PTGER3: variants seen among roughly 807,000 people sequenced by gnomAD.
PTGER3 encodes prostaglandin E2 receptor EP3 subtype.
In PTGER3, 22 loss-of-function variants were observed where a neutral mutation model predicts 34.7. The observed-to-expected ratio is 0.63, with a 90% CI of 0.45 to 0.91. PTGER3 has a LOEUF of 0.91. PTGER3 is among the 40% of genes least tolerant of loss of function. The pLI, the probability that PTGER3 is intolerant of heterozygous loss-of-function variation, is 0.00. For synonymous variants in PTGER3, 241 were observed against 230.1 expected (o/e 1.05, Z -0.43); for missense variants, 468 against 519.4 (o/e 0.90, Z 0.96).
rs953675387 is a variant in PTGER3, at chr1:70,973,322, G to T, written c.1169+975C>A. ...GAAGGATATAGGATTATAAATGTGA[G>T]TTGAGTAAAAATTGTATTGGCCTCA... is the stretch of plus-strand genomic sequence containing the variant. On this transcript the variant is annotated intron_variant, in intron 3 of 3. Transcript: ENST00000306666. Among the ~76,000 whole-genome samples, 9 of 151,800 alleles carry T rather than the reference G, an allele frequency of 5.9e-5. 1 individual carries two copies. Among genetic ancestry groups the T allele is most frequent in the African/African-American group, 1.7e-4 (7 of 41,364 alleles).
rs1046093710 is a variant in PTGER3 at position 70,952,995 on chromosome 1, G to A, written c.1169C>T (p.Thr390Ile). Residue 390 changes from threonine (T) to isoleucine (I), a missense_variant, in exon 4 of 4, where the codon ACC becomes ATC. Thr to Ile is a moderately conservative substitution (Grantham distance 89). Transcript: ENST00000356595. ...TTCTTCTCTGTTCAGCACACGATAG[G>A]TTTGTACTTGCCCACAATGTGCAGT... 1 of 1,612,400 alleles carries A rather than the reference G, an allele frequency of 6.2e-7. No homozygotes were observed. The highest frequency in any genetic ancestry group is 1.3e-5 in the African/African-American group (1 of 74,812).
At chr1:71,024,252 A>C (rs1658682167) in intron 1 of PTGER3, among the ~76,000 whole-genome samples, 3 of 152,114 alleles carry the variant, frequency 2.0e-5, no homozygotes, top group Admixed American at 2.0e-4. Context: ...TAAAACTCTC[A>C]TCCTCTTTTT....
intron 4 of PTGER3, among the ~76,000 whole-genome samples, chr1:70,875,858 A>G (rs2100565960): frequency 6.6e-6 from 1 of 152,236 alleles, no homozygotes; most frequent in South Asian, 2.1e-4. Context: ...ATTTAGGTTG[A>G]TTCCATGTCT....
At position 70,942,504 on chromosome 1, in the gene PTGER3, T is replaced by C. The variant is rs190648286; in HGVS notation, c.*23+11259A>G. Among the ~76,000 whole-genome samples the C allele has an allele frequency of 2.0e-5, 3 of 152,282 alleles. No homozygotes were observed. The East Asian group carries it at 5.8e-4, about 29-fold the overall frequency. On this transcript the variant is annotated intron_variant, in intron 4 of 4. Coordinates refer to the PTGER3 transcript ENST00000370931. ...CATTACCAGACTATTTAAAATTCCA[T>C]AGATAAGCAATGCTCACTCTTGCAT...
intron 4 of PTGER3, among the ~76,000 whole-genome samples, chr1:70,891,967 T>C (rs548943918): frequency 1.3e-5 from 2 of 152,342 alleles, no homozygotes; most frequent in African/African-American, 4.8e-5. Context: ...AAATCTTTAC[T>C]ATGAAATCTC....
chr1:70,969,623 A>G (rs1652883172), downstream of PTGER3, among the ~76,000 whole-genome samples: 1 of 152,176 alleles, frequency 6.6e-6, no homozygotes. Context: ...AAAAATACTT[A>G]AAGTATTCAA....
At chr1:70,960,631 G>A (rs1651835427) in intron 2 of PTGER3, among the ~76,000 whole-genome samples, 1 of 152,024 alleles carries the variant, frequency 6.6e-6, no homozygotes, top group Non-Finnish European at 1.5e-5. Flanking sequence ...TAAGATGAGA[G>A]CAAAGAAGCA....
At chr1:70,994,221 A>T (rs1655725102) in intron 2 of PTGER3, among the ~76,000 whole-genome samples, 1 of 151,898 alleles carries the variant, frequency 6.6e-6, no homozygotes, top group East Asian at 1.9e-4. Flanking sequence ...CAGAAACTTA[A>T]TATAAGAACG....
intron 2 of PTGER3, among the ~76,000 whole-genome samples, chr1:70,988,251 A>C (rs1042733580): frequency 6.6e-6 from 1 of 152,216 alleles, no homozygotes; most frequent in African/African-American, 2.4e-5. Context: ...CCCATAAAAT[A>C]ACCCATAGGA....
chr1:70,972,478 A>G (rs371831472), intron 3 of PTGER3, among the ~76,000 whole-genome samples: 3 of 152,166 alleles, frequency 2.0e-5, no homozygotes, highest in Admixed American at 6.5e-5. Flanking sequence ...GTATCTTTAA[A>G]GAACATTAAA....
At chr1:71,033,519 A>G (rs1572986724) in intron 1 of PTGER3, among the ~76,000 whole-genome samples, 1 of 152,348 alleles carries the variant, frequency 6.6e-6, no homozygotes, top group East Asian at 1.9e-4. Context: ...TTCCACTAGA[A>G]TGCTAATTCC....
At chr1:70,856,771 T>A (rs1161757683) in intron 4 of PTGER3, among the ~76,000 whole-genome samples, 1 of 152,182 alleles carries the variant, frequency 6.6e-6, no homozygotes, top group Non-Finnish European at 1.5e-5. Context: ...TTTCTCCCAA[T>A]GGTTACATCT....
downstream of PTGER3, among the ~76,000 whole-genome samples, chr1:70,968,011 G>C (rs1000695121): frequency 6.6e-6 from 1 of 152,110 alleles, no homozygotes; most frequent in Non-Finnish European, 1.5e-5. Context: ...ACGTATCCCT[G>C]GCTAACAGAT....
At chr1:70,976,628 A>G (rs1361609756) in intron 2 of PTGER3, among the ~76,000 whole-genome samples, 1 of 152,178 alleles carries the variant, frequency 6.6e-6, no homozygotes, top group Non-Finnish European at 1.5e-5. Context: ...ATTGTTTCCA[A>G]GGCAAATCTT....
rs558505108 is a variant in PTGER3, at chr1:71,002,859, TAAG to T, written c.1077+9443_1077+9445del. ...TAAAAACAGCTCCTCCTGGATCTCC[TAAG>T]AAGAAGACTCCAACTCACAGACCAC... On this transcript the variant is annotated intron_variant, in intron 2 of 3. Transcript: ENST00000306666. 3.2e-4 allele frequency among the ~76,000 whole-genome samples: 48 copies of T among 152,326 alleles called. 1 individual carries two copies. In the East Asian group the frequency reaches 8.9e-3, roughly 28 times the overall value.
intron 2 of PTGER3, among the ~76,000 whole-genome samples, chr1:71,000,854 A>ATCGTGAAGGATATTTTCATTT (rs1553174134): frequency 1.3e-5 from 2 of 152,218 alleles, no homozygotes; most frequent in Non-Finnish European, 2.9e-5. Flanking sequence ...TATTTTCATT[A>ATCGTGAAGGATATTTTCATTT]TCATGAAAAT....
At chr1:70,895,545 G>A (rs1364277318) in intron 4 of PTGER3, among the ~76,000 whole-genome samples, 1 of 152,196 alleles carries the variant, frequency 6.6e-6, no homozygotes, top group Non-Finnish European at 1.5e-5. Flanking sequence ...AACAGACACA[G>A]AGCTGAAATT....
At chr1:70,997,378 T>G (rs1455618861) in intron 2 of PTGER3, among the ~76,000 whole-genome samples, 2 of 152,142 alleles carry the variant, frequency 1.3e-5, no homozygotes, top group East Asian at 3.8e-4. Flanking sequence ...GTACAAAAAT[T>G]TGGTGATTGT....
intron 2 of PTGER3, among the ~76,000 whole-genome samples, chr1:70,977,615 C>G (rs1438648664): frequency 6.6e-6 from 1 of 151,902 alleles, no homozygotes; most frequent in African/African-American, 2.4e-5. Flanking sequence ...AAGAGAAAAC[C>G]ATCCTAGAAT....
Sources: gnomAD v4.1 joint callset for allele counts (sites outside exome capture counted in the v4.1 genomes callset) on GRCh38, gnomAD v4.1.1 for gene constraint, MANE v1.5 for transcripts, NCBI Gene and HGNC (gene_info 2026-07-23, HGNC 2026-07-21) for gene names.